Variants in NRG1 observed in about 807,000 individuals in gnomAD.
NRG1 encodes the protein pro-neuregulin-1, membrane-bound isoform.
A neutral mutation model predicts 63.8 loss-of-function variants in NRG1; 18 were observed. The observed-to-expected ratio is 0.28, with a 90% CI of 0.19 to 0.42. The LOEUF is 0.42. Ranked by LOEUF, NRG1 falls within the 10% of genes least tolerant of loss-of-function variation. The pLI, the probability that NRG1 is intolerant of heterozygous loss-of-function variation, is 1.00. For synonymous variants in NRG1, 302 were observed against 301.3 expected, an observed-to-expected ratio of 1.00 and a Z score of -0.02; for missense variants, 762 against 814.7, an observed-to-expected ratio of 0.94 and a Z score of 0.79.
At position 32,317,380 on chromosome 8, in the gene NRG1, A is replaced by T. The variant is rs368436554; in HGVS notation, c.38-278448A>T. On this transcript the variant is annotated intron_variant, in intron 1 of 10. Coordinates refer to the NRG1 transcript ENST00000519301. ...AATAGATGGAGATCTACATTTTTAG[A>T]AAATATGTTTCTTTCTTTTGGGATC... 6.8e-4 allele frequency among the ~76,000 whole-genome samples: 104 copies of T among 152,308 alleles called. 2 individuals carry two copies. The South Asian group carries it at 0.011, about 16-fold the overall frequency.
intron 3 of NRG1, among the ~76,000 whole-genome samples, chr8:32,609,912 C>T (rs541561614): frequency 6.6e-6 from 1 of 151,754 alleles, no homozygotes; most frequent in African/African-American, 2.4e-5. Flanking sequence ...CTCAAATGAT[C>T]TGCCCACTTT....
At chr8:32,055,097 C>A (rs909202120) in intron 1 of NRG1, among the ~76,000 whole-genome samples, 2 of 151,518 alleles carry the variant, frequency 1.3e-5, no homozygotes, top group African/African-American at 4.8e-5. Flanking sequence ...AGTATATTGG[C>A]CAGGCTGGTC....
At chr8:32,673,929 C>G (rs1312653955) in intron 5 of NRG1, among the ~76,000 whole-genome samples, 2 of 152,166 alleles carry the variant, frequency 1.3e-5, no homozygotes, top group African/African-American at 4.8e-5. Flanking sequence ...AATGCCACAA[C>G]ATGACTTTTA....
chr8:32,628,127 T>C (rs1849618486), intron 5 of NRG1, among the ~76,000 whole-genome samples: 1 of 152,116 alleles, frequency 6.6e-6, no homozygotes, highest in Non-Finnish European at 1.5e-5. Context: ...GTTGCTGCAT[T>C]TTTTTTAAGC....
At position 31,640,779 on chromosome 8, in the gene NRG1, C is replaced by A. The variant is rs773123804; in HGVS notation, c.37+1348C>A. Reference sequence around the variant, plus strand: ...CGAACCCGCGGCGAGGAGGGCGCATCCCGGGCGCGCGGGCAGCGGGGCTCG... The same window carrying A: ...CGAACCCGCGGCGAGGAGGGCGCATACCGGGCGCGCGGGCAGCGGGGCTCG... On this transcript the variant is annotated intron_variant, in intron 1 of 10. Transcript: ENST00000519301. This position sits in a 1 kb window ranked among gnomAD's most constrained non-coding sequence, Gnocchi z 6.3. The A allele has an allele frequency of 1.4e-6, 2 of 1,447,492 alleles. No individual in the cohort carries two copies. Among genetic ancestry groups the A allele is most frequent in the South Asian group, 1.5e-5 (1 of 67,888 alleles). The allele number at this position is 1,447,492 out of a possible 1,614,324, so 89.7% of individuals were successfully genotyped here. A position where few individuals can be genotyped will look rare whatever the true frequency, so the allele number is the denominator to read the frequency against.
At chr8:32,198,023 T>C (rs947249009) in intron 1 of NRG1, among the ~76,000 whole-genome samples, 16 of 152,164 alleles carry the variant, frequency 1.1e-4, no homozygotes, top group Admixed American at 7.9e-4. Flanking sequence ...TGAGGATGAA[T>C]GAATATTCCT....
intron 1 of NRG1, among the ~76,000 whole-genome samples, chr8:32,576,376 G>T (rs1232604159): frequency 1.3e-5 from 2 of 151,722 alleles, no homozygotes; most frequent in Non-Finnish European, 2.9e-5. Context: ...TTGACTCCTG[G>T]CTATTATTTT....
intron 1 of NRG1, among the ~76,000 whole-genome samples, chr8:32,371,847 C>G (rs1236985505): frequency 1.3e-5 from 2 of 152,106 alleles, no homozygotes; most frequent in African/African-American, 4.8e-5. Context: ...TGCCCCCAGT[C>G]TTCCCATTTT....
intron 1 of NRG1, among the ~76,000 whole-genome samples, chr8:32,322,494 A>G (rs1353941252): frequency 6.6e-6 from 1 of 152,088 alleles, no homozygotes; most frequent in African/African-American, 2.4e-5. Context: ...AACAATTTAA[A>G]TAGTCACCAT....
intron 5 of NRG1, among the ~76,000 whole-genome samples, chr8:32,674,775 C>T (rs1213387183): frequency 6.6e-6 from 1 of 152,118 alleles, no homozygotes; most frequent in African/African-American, 2.4e-5. Flanking sequence ...AAATGGTTCT[C>T]TGCTCCCCTC....
At chr8:31,805,937 C>G (rs1209295321) in intron 1 of NRG1, among the ~76,000 whole-genome samples, 1 of 151,462 alleles carries the variant, frequency 6.6e-6, no homozygotes, top group Non-Finnish European at 1.5e-5. Context: ...AGAATTCTGA[C>G]TGAAAATATT....
chr8:32,169,704 T>C (rs936318335), intron 1 of NRG1, among the ~76,000 whole-genome samples: 4 of 152,228 alleles, frequency 2.6e-5, no homozygotes, highest in African/African-American at 4.8e-5. Context: ...GAATGAATTC[T>C]TTTTACTCTG....
intron 1 of NRG1, among the ~76,000 whole-genome samples, chr8:32,303,238 G>A (rs1855817255): frequency 7.0e-6 from 1 of 143,304 alleles, no homozygotes; most frequent in South Asian, 2.3e-4. Context: ...AGATGAACAT[G>A]TAACTTACAC....
At chr8:32,132,005 G>C (rs569913347) in intron 1 of NRG1, among the ~76,000 whole-genome samples, 20 of 152,102 alleles carry the variant, frequency 1.3e-4, no homozygotes, top group Admixed American at 1.1e-3. Flanking sequence ...TTTCCTATGT[G>C]TATAAGATTC....
At chr8:32,004,542 T>G (rs1020307910) in intron 1 of NRG1, among the ~76,000 whole-genome samples, 1 of 151,814 alleles carries the variant, frequency 6.6e-6, no homozygotes, top group Non-Finnish European at 1.5e-5. Flanking sequence ...GAGAACTCTG[T>G]GCTTTTGGTT....
intron 1 of NRG1, among the ~76,000 whole-genome samples, chr8:32,581,363 A>G (rs935803821): frequency 6.6e-6 from 1 of 152,214 alleles, no homozygotes; most frequent in African/African-American, 2.4e-5. Context: ...TAGAGTAATA[A>G]AGGTAGTGAT....
intron 3 of NRG1, among the ~76,000 whole-genome samples, chr8:32,609,552 C>CTCCTTCCTTCCCTCCCTCCTTCCTTCCT (rs1845937047): frequency 4.8e-5 from 4 of 83,174 alleles, no homozygotes; most frequent in African/African-American, 1.8e-4. Flanking sequence ...CCTTCCCTCC[C>CTCCTTCCTTCCCTCCCTCCTTCCTTCCT]TCCTTCCTTC....
At chr8:32,240,421 G>A (rs566500897) in intron 1 of NRG1, among the ~76,000 whole-genome samples, 39 of 152,102 alleles carry the variant, frequency 2.6e-4, no homozygotes, top group Non-Finnish European at 5.0e-4. Flanking sequence ...GGAGGGAGGT[G>A]TGTGTGTCCA....
At chr8:32,445,777 G>C (rs575253473) in intron 1 of NRG1, among the ~76,000 whole-genome samples, 2 of 151,974 alleles carry the variant, frequency 1.3e-5, no homozygotes, top group South Asian at 4.2e-4. Flanking sequence ...AACCACCCCA[G>C]GATTTATCAG....
Sources: gnomAD v4.1 joint callset for allele counts (sites outside exome capture counted in the v4.1 genomes callset) on GRCh38, gnomAD v4.1.1 for gene constraint, Gnocchi (gnomAD v3.1) non-coding constraint, MANE v1.5 for transcripts, NCBI Gene and HGNC (gene_info 2026-07-23, HGNC 2026-07-21) for gene names.